MAP3K20: variants seen among roughly 807,000 people sequenced by gnomAD.
MAP3K20 encodes HCCS-4.
Under a neutral mutation model 85.7 loss-of-function variants are expected in MAP3K20, and 40 were observed. The ratio of observed to expected loss-of-function variants is 0.47; its 90% CI spans 0.36 to 0.61. MAP3K20 has a LOEUF of 0.61. MAP3K20 is among the 20% of genes least tolerant of loss of function. The pLI is 0.00. For synonymous variants in MAP3K20, 325 were observed against 327.7 expected (o/e 0.99, Z 0.09); for missense variants, 817 against 961.7 (o/e 0.85, Z 1.99).
chr2:173,209,787 G>A lies in MAP3K20; in HGVS notation c.803G>A (p.Ser268Asn), dbSNP rs141050328. 2.7e-5 allele frequency: 44 copies of A among 1,613,932 alleles called. No individual in the cohort carries two copies. Among genetic ancestry groups the A allele is most frequent in the Non-Finnish European group, 3.7e-5 (44 of 1,180,006 alleles). ...SILESMSNDT[S>N]LPDKCNSFLH... ...CTGGAGTCCATGTCAAATGACACGAGCCTTCCTGACAAGTGTAACTCATTC... is the reference window on the plus strand; with the variant it reads ...CTGGAGTCCATGTCAAATGACACGAACCTTCCTGACAAGTGTAACTCATTC... Residue 268 changes from serine (S) to asparagine (N), a missense_variant, in exon 10 of 20, where the codon AGC becomes AAC. Coordinates refer to ENST00000375213, the MANE Select transcript of MAP3K20 (RefSeq NM_016653.3).
intron 2 of MAP3K20, among the ~76,000 whole-genome samples, chr2:173,117,197 G>T (rs577921523): frequency 6.6e-6 from 1 of 152,222 alleles, no homozygotes; most frequent in African/African-American, 2.4e-5. Context: ...GAAAGAATGA[G>T]GAGTGTTTAA....
chr2:173,238,264 A>G, intron 14 of MAP3K20, 109 bp from the exon 15 acceptor site: 1 of 883,672 alleles, frequency 1.1e-6, no homozygotes, highest in Admixed American at 2.6e-5. Flanking sequence ...TGCCCCCAAG[A>G]TATTTTATGA....
At position 173,266,920 on chromosome 2, in the gene MAP3K20, A is replaced by G; in HGVS notation, c.*170A>G. On this transcript the variant is annotated 3_prime_UTR_variant, in exon 20 of 20. Transcript: ENST00000375213. ...GAGACTATAGCCAAACCAGGGCCAA[A>G]ATTATGGATATTGGTCACCCAGTGA... 1.8e-6 allele frequency: 1 copy of G among 545,850 alleles called. No individual in the cohort carries two copies. The highest frequency in any genetic ancestry group is 3.0e-6 in the Non-Finnish European group (1 of 336,888). 33.8% of individuals were successfully genotyped at this position (545,850 alleles called of 1,614,324 possible). A position where few individuals can be genotyped will look rare whatever the true frequency, so the allele number is the denominator to read the frequency against.
chr2:173,151,568 G>C (rs1361277082), intron 2 of MAP3K20, among the ~76,000 whole-genome samples: 1 of 152,092 alleles, frequency 6.6e-6, no homozygotes, highest in Non-Finnish European at 1.5e-5. Context: ...GTATACAAAG[G>C]CCTAGGCATA....
chr2:173,253,634 C>CT (rs1321393637), intron 16 of MAP3K20, among the ~76,000 whole-genome samples: 10 of 152,252 alleles, frequency 6.6e-5, no homozygotes, highest in Non-Finnish European at 1.5e-4. Context: ...AAAAGGAGTA[C>CT]TTTGCAGTTC....
chr2:173,095,185 G>A (rs1371467937), intron 2 of MAP3K20, among the ~76,000 whole-genome samples: 11 of 152,160 alleles, frequency 7.2e-5, no homozygotes. Flanking sequence ...AATTTAGCAA[G>A]TAAGAGCTCT....
At chr2:173,091,711 A>G (rs1004439653) in intron 2 of MAP3K20, among the ~76,000 whole-genome samples, 2 of 152,162 alleles carry the variant, frequency 1.3e-5, no homozygotes, top group Non-Finnish European at 2.9e-5. Context: ...TATTATATAG[A>G]ATTAATAGGT....
chr2:173,176,329 AT>A (rs1293499895), intron 3 of MAP3K20, among the ~76,000 whole-genome samples: 1 of 152,120 alleles, frequency 6.6e-6, no homozygotes, highest in African/African-American at 2.4e-5. Context: ...AAAACATAAC[AT>A]TGTATAAAGC....
chr2:173,169,110 C>T (rs1444779428), intron 2 of MAP3K20, among the ~76,000 whole-genome samples: 1 of 152,080 alleles, frequency 6.6e-6, no homozygotes, highest in African/African-American at 2.4e-5. Flanking sequence ...TGAATACCCA[C>T]TTATTATTGA....
chr2:173,259,996 A>C (rs1459828995), intron 17 of MAP3K20, among the ~76,000 whole-genome samples: 1 of 152,218 alleles, frequency 6.6e-6, no homozygotes, highest in African/African-American at 2.4e-5. Context: ...AGACCAATCG[A>C]AAGTTATAGA....
intron 16 of MAP3K20, among the ~76,000 whole-genome samples, chr2:173,243,640 C>T (rs1462532862): frequency 2.0e-5 from 3 of 152,142 alleles, no homozygotes; most frequent in Non-Finnish European, 4.4e-5. Context: ...TTTTTTGAGA[C>T]GGAATCTCGC....
At chr2:173,146,713 G>C (rs1689147924) in intron 2 of MAP3K20, among the ~76,000 whole-genome samples, 2 of 152,166 alleles carry the variant, frequency 1.3e-5, no homozygotes, top group Admixed American at 6.5e-5. Flanking sequence ...ATTCTCTTGA[G>C]TATATATACC....
intron 11 of MAP3K20, chr2:173,224,067 C>T (rs774158961): frequency 2.0e-5 from 18 of 913,630 alleles, no homozygotes; most frequent in Non-Finnish European, 2.4e-5. Flanking sequence ...AGCTTACATG[C>T]CAGTGAGTGA....
chr2:173,257,937 T>C (rs141597849), intron 16 of MAP3K20, among the ~76,000 whole-genome samples: 58 of 152,332 alleles, frequency 3.8e-4, no homozygotes, highest in African/African-American at 1.2e-3. Flanking sequence ...TATATGGTGA[T>C]TTTATTAAAA....
At position 173,104,944 on chromosome 2, in the gene MAP3K20, T is replaced by C. The variant is rs79680710; in HGVS notation, c.159+13754T>C. On this transcript the variant is annotated intron_variant, in intron 2 of 19. Coordinates refer to ENST00000375213, the MANE Select transcript of MAP3K20 (RefSeq NM_016653.3). ...GAGCATGCCTGTTGTATTGGAGAAA[T>C]AGCAAGGGGGCCATCGTAGCTGGAG... Among the ~76,000 whole-genome samples, 1,359 of 151,768 alleles carry C rather than the reference T, an allele frequency of 9.0e-3. 18 individuals are homozygous for C. The highest frequency in any genetic ancestry group is 0.03 in the African/African-American group (1,260 of 41,338).
intron 11 of MAP3K20, among the ~76,000 whole-genome samples, chr2:173,217,577 C>G (rs1476664650): frequency 6.6e-6 from 1 of 152,202 alleles, no homozygotes; most frequent in Non-Finnish European, 1.5e-5. Flanking sequence ...TCAGAACATG[C>G]ACCTCGGTGC....
intron 2 of MAP3K20, among the ~76,000 whole-genome samples, chr2:173,130,393 G>A (rs970712108): frequency 2.0e-5 from 3 of 152,090 alleles, no homozygotes; most frequent in Non-Finnish European, 4.4e-5. Context: ...ATCCATTAAT[G>A]TTTATTATTC....
chr2:173,215,994 T>A (rs1684060592), intron 10 of MAP3K20, among the ~76,000 whole-genome samples: 1 of 152,190 alleles, frequency 6.6e-6, no homozygotes, highest in Non-Finnish European at 1.5e-5. Context: ...ACCCAGCAGC[T>A]ATTCTGCAAT....
intron 2 of MAP3K20, among the ~76,000 whole-genome samples, chr2:173,161,946 A>T (rs1689671491): frequency 6.6e-6 from 1 of 152,146 alleles, no homozygotes; most frequent in Admixed American, 6.5e-5. Context: ...TCCTAGGGAG[A>T]ATCTTTCCAT....
Sources: allele counts gnomAD v4.1 joint callset (sites outside exome capture counted in the v4.1 genomes callset), GRCh38; gene constraint gnomAD v4.1.1; transcripts MANE v1.5; gene names NCBI Gene and HGNC (gene_info 2026-07-23, HGNC 2026-07-21).